Variants in ANO7 observed in about 807,000 individuals in gnomAD.
ANO7 encodes the protein anoctamin 7.
A neutral mutation model predicts 115.8 loss-of-function variants in ANO7; 114 were observed. The ratio of observed to expected loss-of-function variants is 0.98; its 90% CI spans 0.85 to 1.15. The LOEUF is 1.15. Among genes scored for constraint, ANO7 ranks in the 50% most tolerant of loss-of-function variants. ANO7 has a pLI of 0.00. For synonymous variants in ANO7, 550 were observed against 498.2 expected (o/e 1.10, Z -1.38); for missense variants, 1,302 against 1,201.2 (o/e 1.08, Z -1.24).
chr2:241,193,141 C>T lies in ANO7; in HGVS notation c.166+1890C>T, dbSNP rs542526537. 4.6e-5 allele frequency among the ~76,000 whole-genome samples: 7 copies of T among 152,180 alleles called. No individual in the cohort carries two copies. In the South Asian group the frequency reaches 1.5e-3, roughly 32 times the overall value. ...AGGCTGGAATGCAGTGGCACAATCTCGGCTCACTGCAACCTCTGCCTCCCT... is the reference window on the plus strand; with the variant it reads ...AGGCTGGAATGCAGTGGCACAATCTTGGCTCACTGCAACCTCTGCCTCCCT... On this transcript the variant is annotated intron_variant, in intron 3 of 24. Coordinates refer to ENST00000674324, the MANE Select transcript of ANO7 (RefSeq NM_001370694.2).
At position 241,210,541 on chromosome 2, in the gene ANO7, T is replaced by C; in HGVS notation, c.1532T>C (p.Val511Ala). The C allele has an allele frequency of 6.2e-7, 1 of 1,613,930 alleles. No homozygotes were observed. Among genetic ancestry groups the C allele is most frequent in the Non-Finnish European group, 8.5e-7 (1 of 1,179,976 alleles). ...VFILILSKIY[V>A]SLAHVLTRWE... is the part of the protein sequence containing the mutation. ...ATCCTCATCCTCTCCAAGATCTATG[T>C]ATCCCTGGCCCACGTCCTGACACGA... Residue 511 changes from valine (V) to alanine (A), a missense_variant, in exon 15 of 25, where the codon GTA becomes GCA. Val to Ala is a moderately conservative substitution (Grantham distance 64, BLOSUM62 0). Coordinates refer to ENST00000674324, the MANE Select transcript of ANO7 (RefSeq NM_001370694.2).
downstream of ANO7, chr2:241,229,442 GCA>G (rs368742242): frequency 7.7e-4 from 459 of 596,188 alleles, 3 homozygotes; most frequent in African/African-American, 7.7e-3. Context: ...AGGAGCGGCC[GCA>G]CACACAGCCA....
intron 17 of ANO7, among the ~76,000 whole-genome samples, chr2:241,213,573 C>T (rs542722003): frequency 1.1e-4 from 16 of 152,314 alleles, no homozygotes; most frequent in African/African-American, 3.6e-4. Flanking sequence ...TCCAAGACAC[C>T]GTAGAGAAGC....
Position 241,203,380 on chromosome 2 carries a change from C to T in ANO7, c.771C>T (p.Asn257=). ...PPEGPQAPRL[N]QRQVLFQHWA... ...AGGGCCCGCAGGCTCCACGCCTCAA[C>T]CAGCGCCAAGTCCTTTTCCAGCACT... Residue 257 remains asparagine, a synonymous_variant, in exon 9 of 25, where the codon AAC becomes AAT. Coordinates refer to ENST00000674324, the MANE Select transcript of ANO7 (RefSeq NM_001370694.2). The surrounding 1 kb of genome is among the most constrained non-coding windows in gnomAD (Gnocchi z 4.8). 1 of 1,600,812 alleles carries T rather than the reference C, an allele frequency of 6.2e-7. No individual in the cohort carries two copies. Among genetic ancestry groups the T allele is most frequent in the Non-Finnish European group, 8.5e-7 (1 of 1,174,452 alleles).
intron 21 of ANO7, among the ~76,000 whole-genome samples, chr2:241,221,003 T>C (rs2068998743): frequency 6.6e-6 from 1 of 151,748 alleles, no homozygotes; most frequent in Non-Finnish European, 1.5e-5. Flanking sequence ...AAAAAAGCAC[T>C]ACCTTTACAG....
At chr2:241,199,254 A>C (rs143492398) in intron 4 of ANO7, 62 bp from the exon 5 acceptor site, 1 of 1,396,716 alleles carries the variant, frequency 7.2e-7, no homozygotes, top group Non-Finnish European at 1.0e-6. Flanking sequence ...GAATGGACAC[A>C]CACATGTGCA....
downstream of ANO7, chr2:241,230,824 G>A: frequency 2.5e-6 from 4 of 1,614,216 alleles, no homozygotes; most frequent in South Asian, 2.2e-5. This position sits in a 1 kb window ranked among gnomAD's most constrained non-coding sequence, Gnocchi z 5.0. Context: ...GCGTGAACGC[G>A]GTGGTCCAGC....
chr2:241,240,147 T>A, the ANO7 span: 1 of 1,608,874 alleles, frequency 6.2e-7, no homozygotes, highest in Non-Finnish European at 8.5e-7. The surrounding 1 kb of genome is among the most constrained non-coding windows in gnomAD (Gnocchi z 5.5). Context: ...CCCACTGTGT[T>A]AGCCTGACAC....
intron 7 of ANO7, among the ~76,000 whole-genome samples, chr2:241,201,737 A>T (rs1280475503): frequency 6.6e-6 from 1 of 152,200 alleles, no homozygotes; most frequent in African/African-American, 2.4e-5. Context: ...ACCCGGCAGG[A>T]GGCCTGTTCC....
intron 3 of ANO7, among the ~76,000 whole-genome samples, chr2:241,194,815 T>C (rs1176821324): frequency 1.3e-5 from 2 of 152,214 alleles, no homozygotes; most frequent in African/African-American, 4.8e-5. Context: ...GGAAAGACAG[T>C]ATATATAGGT....
Position 241,214,853 on chromosome 2 carries a change from A to C in ANO7, c.1777A>C (p.Ile593Leu). The change falls in exon 18 of 25, where the codon ATC becomes CTC. Residue 593 changes from isoleucine to leucine, a missense_variant. By Grantham distance (5) the Ile-to-Leu change is conservative (BLOSUM62 2). Coordinates refer to ENST00000674324, the MANE Select transcript of ANO7 (RefSeq NM_001370694.2). ...CGAGCTGGCACAGGAGCTCCTGGTC[A>C]TCATGGTGGGCAAGCAGGTCATCAA... ...LIELAQELLVIMVGKQVINNM... is the reference protein window; with the variant it reads ...LIELAQELLVLMVGKQVINNM... 1 of 1,612,910 alleles carries C rather than the reference A, an allele frequency of 6.2e-7. No individual in the cohort carries two copies. Among genetic ancestry groups the C allele is most frequent in the Non-Finnish European group, 8.5e-7 (1 of 1,179,944 alleles).
chr2:241,226,304 A>G (rs1018723899), downstream of ANO7, among the ~76,000 whole-genome samples: 10 of 152,022 alleles, frequency 6.6e-5, no homozygotes, highest in Non-Finnish European at 8.8e-5. Flanking sequence ...CATCCATCTC[A>G]GCCCCTCCTG....
Position 241,223,202 on chromosome 2 carries a change from G to T in ANO7, c.2338G>T (p.Asp780Tyr), listed in dbSNP as rs555678311. Residue 780 changes from aspartate to tyrosine, a missense_variant, in exon 22 of 25, where the codon GAT (aspartate) becomes TAT (tyrosine). Coordinates refer to ENST00000674324, the MANE Select transcript of ANO7 (RefSeq NM_001370694.2). ...NRTCRYRAFR[D>Y]DDGHYSQTYW... The stretch of plus-strand genomic sequence containing the variant: ...CTGCTGCAGGTATCGGGCTTTCCGG[G>T]ATGACGATGGACATTATTCCCAGAC... 6.2e-7 allele frequency: 1 copy of T among 1,614,106 alleles called. No individual in the cohort carries two copies. Among genetic ancestry groups the T allele is most frequent in the African/African-American group, 1.3e-5 (1 of 74,942 alleles).
intron 4 of ANO7, among the ~76,000 whole-genome samples, chr2:241,196,804 G>C (rs956509767): frequency 6.6e-6 from 1 of 150,434 alleles, no homozygotes; most frequent in Non-Finnish European, 1.5e-5. Flanking sequence ...CCCAGTCTGG[G>C]ATGATTATGA....
chr2:241,215,181 G>T (rs1042874304), intron 18 of ANO7, among the ~76,000 whole-genome samples: 4 of 152,248 alleles, frequency 2.6e-5, no homozygotes, highest in African/African-American at 9.6e-5. Context: ...TGGGCTCCTG[G>T]ACCCAAGGCT....
At position 241,203,126 on chromosome 2, in the gene ANO7, G is replaced by T. The variant is rs1185738628; in HGVS notation, c.724-207G>T. Among the ~76,000 whole-genome samples the T allele has an allele frequency of 6.6e-6, 1 of 152,098 alleles. No homozygotes were observed. The highest frequency in any genetic ancestry group is 6.5e-5 in the Admixed American group (1 of 15,280). ...CCCTCGAAGTCCAGGAGTCAGAGGG[G>T]CCTCACCACATATGTCCCCTCCTCA... On this transcript the variant is annotated intron_variant, in intron 8 of 24. Coordinates refer to ENST00000674324, the MANE Select transcript of ANO7 (RefSeq NM_001370694.2). The surrounding 1 kb of genome is among the most constrained non-coding windows in gnomAD (Gnocchi z 4.8).
chr2:241,210,722 C>T, intron 15 of ANO7, 152 bp downstream of exon 15: 1 of 720,602 alleles, frequency 1.4e-6, no homozygotes, highest in Non-Finnish European at 2.3e-6. Context: ...CTCTGTTGCC[C>T]AAGCTGGAGT....
intron 3 of ANO7, 59 bp downstream of exon 3, chr2:241,191,310 C>G: frequency 6.3e-7 from 1 of 1,595,608 alleles, no homozygotes; most frequent in African/African-American, 1.3e-5. Flanking sequence ...GGGGACACCA[C>G]GGGGGTGCCC....
rs187787466 is a variant in ANO7, at chr2:241,188,836, G to A, written c.-8+70G>A. On this transcript the variant is annotated intron_variant, in intron 1 of 24. Transcript: ENST00000674324. The surrounding 1 kb of genome is among the most constrained non-coding windows in gnomAD (Gnocchi z 4.3). ...GCGTTGGACTCTAGGGAGGCAGGGC[G>A]GCACCCCAGCCCACCGGGACTTTCA... 7.2e-5 allele frequency: 111 copies of A among 1,550,896 alleles called. No individual in the cohort carries two copies. Among genetic ancestry groups the A allele is most frequent in the Admixed American group, 6.7e-4 (36 of 53,902 alleles).
Sources: allele counts gnomAD v4.1 joint callset (sites outside exome capture counted in the v4.1 genomes callset), GRCh38; gene constraint gnomAD v4.1.1; non-coding constraint Gnocchi (gnomAD v3.1); transcripts MANE v1.5; gene names NCBI Gene and HGNC (gene_info 2026-07-23, HGNC 2026-07-21).